The following RFTN1 variants were observed in gnomAD, a reference collection of about 807,000 sequenced individuals.
RFTN1 encodes the protein raftlin, lipid raft linker 1.
RFTN1 carries 26 observed loss-of-function variants against 46.5 expected under a neutral mutation model. The observed-to-expected ratio is 0.56, with a 90% CI of 0.41 to 0.78. The LOEUF (loss-of-function observed/expected upper bound fraction) is 0.78. Ranked by LOEUF, RFTN1 falls within the 30% of genes least tolerant of loss-of-function variation. The pLI is 0.00. For synonymous variants in RFTN1, 261 were observed against 284.2 expected (o/e 0.92, Z 0.82); for missense variants, 693 against 718.7 (o/e 0.96, Z 0.41).
In RFTN1 at chr3:16,404,314, TATATATA is replaced by T. The variant is rs1359290133; in HGVS notation, c.441+5054_441+5060del. ...AATATATATAATATGTAATATATAT[TATATATA>T]ATATATAATATATAATATATATAAT... On this transcript the variant is annotated intron_variant, in intron 4 of 9. Transcript: ENST00000334133. Among the ~76,000 whole-genome samples, 89 of 12,810 alleles carry T rather than the reference TATATATA, an allele frequency of 6.9e-3. 14 individuals are homozygous for T. The highest frequency in any genetic ancestry group is 0.011 in the East Asian group (6 of 532). The allele number at this position is 12,810 out of a possible 152,430, so 8.4% of individuals were successfully genotyped here.
Position 16,317,155 on chromosome 3 carries a change from G to T in RFTN1, c.1410C>A (p.Asp470Glu). Residue 470 changes from aspartate (D) to glutamate (E), a missense_variant, in exon 10 of 10, where the codon GAC becomes GAA. Physicochemically the swap from Asp to Glu is conservative, Grantham distance 45. Coordinates refer to ENST00000334133, the MANE Select transcript of RFTN1 (RefSeq NM_015150.2). The surrounding 1 kb of genome is among the most constrained non-coding windows in gnomAD (Gnocchi z 4.3). ...TCTCATTTTCTTCTGCTTGTTGTTT[G>T]TCTCTGGCACTGAGTTTACCTTTTG... ...RKSKGKLSAR[D>E]KQQAEENEKN... 1 of 1,613,606 alleles carries T rather than the reference G, an allele frequency of 6.2e-7. No individual in the cohort carries two copies. Among genetic ancestry groups the T allele is most frequent in the Non-Finnish European group, 8.5e-7 (1 of 1,179,960 alleles).
intron 2 of RFTN1, chr3:16,454,766 T>C (rs1254040826): frequency 4.1e-6 from 4 of 985,264 alleles, no homozygotes; most frequent in Non-Finnish European, 4.8e-6. Flanking sequence ...CAAGGCACCA[T>C]CTAGCACTCA....
chr3:16,375,396 A>T (rs2073727705), intron 5 of RFTN1, among the ~76,000 whole-genome samples: 1 of 151,966 alleles, frequency 6.6e-6, no homozygotes, highest in Non-Finnish European at 1.5e-5. Context: ...ATAAAAGGTG[A>T]CACTCCCTAT....
rs547681057 is a variant in RFTN1 at position 16,400,582 on chromosome 3, G to T, written c.441+8793C>A. 1.3e-5 allele frequency among the ~76,000 whole-genome samples: 2 copies of T among 152,340 alleles called. No homozygotes were observed. The highest frequency in any genetic ancestry group is 6.5e-5 in the Admixed American group (1 of 15,308). ...AAGATCTGTTCAAAGAAATGTGAAC[G>T]AAACCTGACCCACTGATGCTGGACA... On this transcript the variant is annotated intron_variant, in intron 4 of 9. Coordinates refer to ENST00000334133, the MANE Select transcript of RFTN1 (RefSeq NM_015150.2). The surrounding 1 kb of genome is among the most constrained non-coding windows in gnomAD (Gnocchi z 4.5).
chr3:16,412,490 C>T (rs774578235), intron 3 of RFTN1, among the ~76,000 whole-genome samples: 1 of 152,176 alleles, frequency 6.6e-6, no homozygotes, highest in Non-Finnish European at 1.5e-5. Flanking sequence ...CTAGCAAAGC[C>T]CTATAGAGCT....
At chr3:16,409,886 C>T (rs1221268657) in intron 3 of RFTN1, among the ~76,000 whole-genome samples, 2 of 152,002 alleles carry the variant, frequency 1.3e-5, no homozygotes, top group African/African-American at 4.8e-5. Flanking sequence ...GGGGTTTCAC[C>T]ATGTTGGACA....
In RFTN1 at chr3:16,341,227, A is replaced by G. The variant is rs1033648739; in HGVS notation, c.1147-14351T>C. ...GGTGGGGACGCAAAATAGTACAGCC[A>G]CTACAGAAGACAGTTTGGCAGTTTC... On this transcript the variant is annotated intron_variant, in intron 7 of 9. Coordinates refer to ENST00000334133, the MANE Select transcript of RFTN1 (RefSeq NM_015150.2). The surrounding 1 kb of genome is among the most constrained non-coding windows in gnomAD (Gnocchi z 4.7). Among the ~76,000 whole-genome samples, 1 of 152,246 alleles carries G rather than the reference A, an allele frequency of 6.6e-6. No homozygotes were observed. The highest frequency in any genetic ancestry group is 2.4e-5 in the African/African-American group (1 of 41,468).
intron 5 of RFTN1, among the ~76,000 whole-genome samples, chr3:16,371,684 A>C (rs1156334736): frequency 6.6e-6 from 1 of 152,160 alleles, no homozygotes; most frequent in Non-Finnish European, 1.5e-5. Context: ...CCAATAGAAC[A>C]ATTAGGGAAG....
chr3:16,384,082 T>G lies in RFTN1; in HGVS notation c.442-5980A>C, dbSNP rs1422797967. 6.6e-6 allele frequency among the ~76,000 whole-genome samples: 1 copy of G among 152,320 alleles called. No individual in the cohort carries two copies. The highest frequency in any genetic ancestry group is 1.9e-4 in the East Asian group (1 of 5,188). ...GGTCTCATCTAATCAGGTGAAGGCTTTAAGAGCCAAGACTGAGATTTCCCA... is the reference window on the plus strand; with the variant it reads ...GGTCTCATCTAATCAGGTGAAGGCTGTAAGAGCCAAGACTGAGATTTCCCA... On this transcript the variant is annotated intron_variant, in intron 4 of 9. Coordinates refer to ENST00000334133, the MANE Select transcript of RFTN1 (RefSeq NM_015150.2). The surrounding 1 kb of genome is among the most constrained non-coding windows in gnomAD (Gnocchi z 4.7).
At chr3:16,379,444 G>C (rs574424418) in intron 4 of RFTN1, among the ~76,000 whole-genome samples, 2 of 152,298 alleles carry the variant, frequency 1.3e-5, no homozygotes, top group Admixed American at 6.5e-5. Flanking sequence ...ACAACAAAAC[G>C]TTTCATCCTT....
At chr3:16,392,966 C>T (rs954074698) in intron 4 of RFTN1, among the ~76,000 whole-genome samples, 35 of 152,274 alleles carry the variant, frequency 2.3e-4, no homozygotes, top group African/African-American at 6.7e-4. Context: ...AATTCTGAGG[C>T]CCTGCAAGCC....
chr3:16,392,308 C>A (rs1375465838), intron 4 of RFTN1, among the ~76,000 whole-genome samples: 1 of 152,174 alleles, frequency 6.6e-6, no homozygotes, highest in Non-Finnish European at 1.5e-5. Context: ...ATACAGCAGG[C>A]AGCCTAACTG....
At position 16,504,225 on chromosome 3, in the gene RFTN1, T is replaced by C. The variant is rs559460340; in HGVS notation, c.-9+9217A>G. The stretch of plus-strand genomic sequence containing the variant: ...TAACAACAGCAGCCTTTCAGAAAAA[T>C]AGCACACATAAACTGAAAGAAGAAA... On this transcript the variant is annotated intron_variant, in intron 1 of 9. Transcript: ENST00000334133. The surrounding 1 kb of genome is among the most constrained non-coding windows in gnomAD (Gnocchi z 4.4). Among the ~76,000 whole-genome samples the C allele has an allele frequency of 5.9e-5, 9 of 152,262 alleles. No homozygotes were observed. Among genetic ancestry groups the C allele is most frequent in the East Asian group, 1.9e-4 (1 of 5,186 alleles).
Position 16,409,415 on chromosome 3 carries a change from T to C in RFTN1, c.401A>G (p.His134Arg). 6.2e-7 allele frequency: 1 copy of C among 1,613,720 alleles called. No individual in the cohort carries two copies. Among genetic ancestry groups the C allele is most frequent in the Non-Finnish European group, 8.5e-7 (1 of 1,179,658 alleles). The change falls in exon 4 of 10, where the codon CAC becomes CGC. Residue 134 changes from histidine (H) to arginine (R), a missense_variant. Transcript: ENST00000334133. ...TGGGATGAGTTTCTGGTCTGTCGGGTGGTCTAAGGAGGAACAGCAATCTAA... is the reference window on the plus strand; with the variant it reads ...TGGGATGAGTTTCTGGTCTGTCGGGCGGTCTAAGGAGGAACAGCAATCTAA... The part of the protein sequence containing the change: ...LELDCCSSLD[H>R]PTDQKLIPEF...
chr3:16,336,164 C>T lies in RFTN1; in HGVS notation c.1147-9288G>A, dbSNP rs531680562. Among the ~76,000 whole-genome samples the T allele has an allele frequency of 1.6e-4, 25 of 152,354 alleles. No individual in the cohort carries two copies. In the South Asian group the frequency reaches 4.1e-3, roughly 25 times the overall value. The stretch of plus-strand genomic sequence containing the variant: ...CAAGTGGAAGGCAGATGCTGGAACA[C>T]GGCGGGCAGTGTTGCAGAAAACTCC... On this transcript the variant is annotated intron_variant, in intron 7 of 9. Transcript: ENST00000334133. This position sits in a 1 kb window ranked among gnomAD's most constrained non-coding sequence, Gnocchi z 6.0.
chr3:16,347,227 A>T (rs187812176), intron 7 of RFTN1, among the ~76,000 whole-genome samples: 27 of 152,342 alleles, frequency 1.8e-4, no homozygotes, highest in African/African-American at 6.3e-4. Flanking sequence ...GACTTTTCAC[A>T]TGCAAACATA....
chr3:16,358,548 A>G (rs2072617566), intron 6 of RFTN1, among the ~76,000 whole-genome samples: 1 of 151,946 alleles, frequency 6.6e-6, no homozygotes, highest in Non-Finnish European at 1.5e-5. Flanking sequence ...TCCAGACAAC[A>G]TCTTAGGCAG....
intron 4 of RFTN1, among the ~76,000 whole-genome samples, chr3:16,393,827 T>G (rs1247436541): frequency 6.6e-6 from 1 of 151,858 alleles, no homozygotes; most frequent in Non-Finnish European, 1.5e-5. Context: ...CCCGGCTAAT[T>G]TTTTTGTATT....
chr3:16,330,225 T>C (rs1360648153), intron 7 of RFTN1, among the ~76,000 whole-genome samples: 1 of 152,176 alleles, frequency 6.6e-6, no homozygotes, highest in Non-Finnish European at 1.5e-5. Flanking sequence ...AAAATACAAA[T>C]GGTAGGGGTG....
Sources: allele counts gnomAD v4.1 joint callset (sites outside exome capture counted in the v4.1 genomes callset), GRCh38; gene constraint gnomAD v4.1.1; non-coding constraint Gnocchi (gnomAD v3.1); transcripts MANE v1.5; gene names NCBI Gene and HGNC (gene_info 2026-07-23, HGNC 2026-07-21).